The following HEMK2 variants were observed in gnomAD, a reference collection of about 807,000 sequenced individuals.
HEMK2 encodes methyltransferase HEMK2.
At chr21:28,798,278 AAAAGATAAACAG>A in the HEMK2 span, among the ~76,000 whole-genome samples, 1 of 152,182 alleles carries the variant, frequency 6.6e-6, no homozygotes. Context: ...AAGAACAATC[AAAAGATAAACAG>A]AACAGCACTG....
chr21:28,595,347 C>G, the HEMK2 span, among the ~76,000 whole-genome samples: 1 of 151,938 alleles, frequency 6.6e-6, no homozygotes, highest in Non-Finnish European at 1.5e-5. Flanking sequence ...CCCTTCCCAG[C>G]CTCTGATAAC....
At chr21:28,584,838 A>G in the HEMK2 span, among the ~76,000 whole-genome samples, 1 of 152,166 alleles carries the variant, frequency 6.6e-6, no homozygotes, top group Admixed American at 6.5e-5. Context: ...AGCAAAGAAA[A>G]TCATCTGTCT....
the HEMK2 span, among the ~76,000 whole-genome samples, chr21:28,712,711 A>T: frequency 6.6e-6 from 1 of 152,212 alleles, no homozygotes; most frequent in African/African-American, 2.4e-5. Context: ...ATTTCATTCC[A>T]TAGACATTGG....
the HEMK2 span, among the ~76,000 whole-genome samples, chr21:28,853,420 T>G: frequency 2.0e-5 from 3 of 152,192 alleles, no homozygotes; most frequent in African/African-American, 7.2e-5. Flanking sequence ...TTTTCCACAA[T>G]TATCCCACAC....
the HEMK2 span, among the ~76,000 whole-genome samples, chr21:28,758,063 G>A: frequency 0.19 from 29,429 of 152,066 alleles, 3,563 homozygotes; most frequent in African/African-American, 0.34. Context: ...GATGTATAAC[G>A]GATGATTTTC....
chr21:28,779,053 A>T, the HEMK2 span, among the ~76,000 whole-genome samples: 1 of 152,188 alleles, frequency 6.6e-6, no homozygotes, highest in East Asian at 1.9e-4. Context: ...TAGCCTCCTT[A>T]ACTCCTTAAA....
the HEMK2 span, among the ~76,000 whole-genome samples, chr21:28,642,573 C>G: frequency 6.6e-6 from 1 of 152,212 alleles, no homozygotes; most frequent in African/African-American, 2.4e-5. Flanking sequence ...GCCCTCTCAA[C>G]ACCAGGGTTC....
the HEMK2 span, among the ~76,000 whole-genome samples, chr21:28,835,866 T>C: frequency 2.0e-4 from 31 of 152,062 alleles, no homozygotes; most frequent in Non-Finnish European, 3.5e-4. Context: ...AGCAATAGAA[T>C]TGAACAAGTA....
At chr21:28,629,399 G>C in the HEMK2 span, among the ~76,000 whole-genome samples, 2 of 152,148 alleles carry the variant, frequency 1.3e-5, no homozygotes, top group Admixed American at 1.3e-4. Flanking sequence ...ACATCGAGCA[G>C]ATATTCCAAC....
chr21:28,704,320 A>G, the HEMK2 span, among the ~76,000 whole-genome samples: 3 of 152,156 alleles, frequency 2.0e-5, no homozygotes, highest in Non-Finnish European at 4.4e-5. Context: ...TGCTCAAGCA[A>G]TTAAATCTCC....
At chr21:28,802,293 A>T in the HEMK2 span, among the ~76,000 whole-genome samples, 7 of 152,206 alleles carry the variant, frequency 4.6e-5, no homozygotes, top group Admixed American at 3.3e-4. Context: ...GTTGTATGTT[A>T]CCCTCTGTTG....
the HEMK2 span, among the ~76,000 whole-genome samples, chr21:28,817,380 T>C: frequency 6.6e-6 from 1 of 152,186 alleles, no homozygotes; most frequent in African/African-American, 2.4e-5. Context: ...CAATAAATTG[T>C]AGAAAACAAA....
chr21:28,829,433 G>C, the HEMK2 span, among the ~76,000 whole-genome samples: 2 of 152,142 alleles, frequency 1.3e-5, no homozygotes, highest in Non-Finnish European at 2.9e-5. Flanking sequence ...TATAAAATAA[G>C]GTCAGTCACC....
chr21:28,619,273 T>C, the HEMK2 span, among the ~76,000 whole-genome samples: 485 of 152,292 alleles, frequency 3.2e-3, 2 homozygotes, highest in African/African-American at 0.011. Flanking sequence ...ACTAATACAC[T>C]GGCTTATAAC....
At chr21:28,850,217 C>CTTTTTTTT in the HEMK2 span, among the ~76,000 whole-genome samples, 10 of 94,430 alleles carry the variant, frequency 1.1e-4, no homozygotes, top group East Asian at 3.8e-4. Context: ...ATTCAGCATT[C>CTTTTTTTT]TTTTTTTTTT....
At chr21:28,587,690 A>AT in the HEMK2 span, among the ~76,000 whole-genome samples, 12 of 152,212 alleles carry the variant, frequency 7.9e-5, no homozygotes, top group African/African-American at 2.6e-4. Flanking sequence ...GTGGAGTTGG[A>AT]TTTTTTTAAT....
chr21:28,672,189 T>C, the HEMK2 span, among the ~76,000 whole-genome samples: 1 of 152,116 alleles, frequency 6.6e-6, no homozygotes, highest in African/African-American at 2.4e-5. Flanking sequence ...TGTTAAATCA[T>C]TTGGAACTTC....
chr21:28,614,729 C>G, the HEMK2 span, among the ~76,000 whole-genome samples: 23 of 152,296 alleles, frequency 1.5e-4, no homozygotes, highest in African/African-American at 5.5e-4. Flanking sequence ...TGATTCAAAT[C>G]CTATCCAAGA....
the HEMK2 span, among the ~76,000 whole-genome samples, chr21:28,796,291 C>T: frequency 6.6e-6 from 1 of 151,890 alleles, no homozygotes; most frequent in East Asian, 2.0e-4. Context: ...AGGTGCCTGC[C>T]ACTACGTCCG....
Sources: allele counts gnomAD v4.1 joint callset (sites outside exome capture counted in the v4.1 genomes callset), GRCh38; gene constraint gnomAD v4.1.1; transcripts MANE v1.5; gene names NCBI Gene and HGNC (gene_info 2026-07-23, HGNC 2026-07-21).